Variants in MICU1 observed in about 807,000 individuals in gnomAD.
MICU1 encodes the protein calcium uptake protein 1, mitochondrial.
MICU1 carries 45 observed loss-of-function variants against 56.8 expected under a neutral mutation model. The observed-to-expected ratio is 0.79, with a 90% CI of 0.62 to 1.02. The LOEUF (loss-of-function observed/expected upper bound fraction) is 1.02, where lower values mean the gene tolerates loss of function less well. Among genes scored for constraint, MICU1 ranks in the 50% least tolerant of loss-of-function variants. MICU1 has a pLI of 0.00. For missense variants in MICU1, 504 were observed against 587.1 expected (o/e 0.86, Z 1.46); for synonymous variants, 186 against 195.1 (o/e 0.95, Z 0.39).
At chr10:72,410,259 G>A (rs999686115) in intron 9 of MICU1, among the ~76,000 whole-genome samples, 3 of 152,098 alleles carry the variant, frequency 2.0e-5, no homozygotes, top group African/African-American at 7.2e-5. Context: ...TTCTATTTGG[G>A]CTGTTTCCAA....
intron 5 of MICU1, among the ~76,000 whole-genome samples, chr10:72,515,713 T>C (rs1164056271): frequency 6.6e-6 from 1 of 152,210 alleles, no homozygotes; most frequent in Non-Finnish European, 1.5e-5. Context: ...CTATGTCATC[T>C]AGAGTCCAAC....
At chr10:72,583,234 G>C (rs1246878542) in intron 1 of MICU1, 2 of 151,302 alleles carry the variant, frequency 1.3e-5, no homozygotes, top group African/African-American at 4.9e-5. Context: ...GATTTACTTA[G>C]GGTAGGAAAG....
intron 8 of MICU1, among the ~76,000 whole-genome samples, chr10:72,438,168 T>C (rs1225692673): frequency 6.6e-6 from 1 of 152,116 alleles, no homozygotes; most frequent in African/African-American, 2.4e-5. Context: ...CCTCAGCAAA[T>C]GTAAAAGAAC....
chr10:72,560,856 C>T (rs535459460), intron 3 of MICU1, among the ~76,000 whole-genome samples: 20 of 151,766 alleles, frequency 1.3e-4, no homozygotes, highest in Admixed American at 9.2e-4. Flanking sequence ...GGCGACAGAC[C>T]GAGACTCCAT....
In MICU1 at chr10:72,375,740, A is replaced by G. The variant is rs759329203; in HGVS notation, c.1270+43T>C. On this transcript the variant is annotated intron_variant, in intron 11 of 11. Transcript: ENST00000361114. ...ATTATACACAAGGGCCTCTAAGGGC[A>G]GCTAGGCTGTTTCCCCTCCGGGCTC... 3 of 1,576,168 alleles carry G rather than the reference A, an allele frequency of 1.9e-6. No individual in the cohort carries two copies. The African/African-American group carries it at 4.1e-5, about 21-fold the overall frequency.
At chr10:72,498,664 C>T (rs1363354631) in intron 6 of MICU1, among the ~76,000 whole-genome samples, 3 of 152,088 alleles carry the variant, frequency 2.0e-5, no homozygotes, top group Admixed American at 6.6e-5. Flanking sequence ...TTTCTGAGAG[C>T]CTAAGGAGCA....
chr10:72,594,925 C>CAAAAAAAAAAAAAAAAAAAAAAAAAAAA (rs57504317), intron 1 of MICU1, among the ~76,000 whole-genome samples: 3 of 50,732 alleles, frequency 5.9e-5, no homozygotes, highest in Non-Finnish European at 8.4e-5. Flanking sequence ...AAGTACAATC[C>CAAAAAAAAAAAAAAAAAAAAAAAAAAAA]AAAAAAAAAA....
At chr10:72,375,723 C>T in intron 11 of MICU1, 60 bp downstream of exon 11, 2 of 1,499,130 alleles carry the variant, frequency 1.3e-6, no homozygotes, top group Non-Finnish European at 1.8e-6. Flanking sequence ...CCATTATACA[C>T]AAGGGCCTCT....
intron 1 of MICU1, among the ~76,000 whole-genome samples, chr10:72,590,236 C>T (rs1841183915): frequency 6.6e-6 from 1 of 151,878 alleles, no homozygotes; most frequent in African/African-American, 2.4e-5. Context: ...AAATGGTAAC[C>T]AAAAGAGAGC....
intron 1 of MICU1, among the ~76,000 whole-genome samples, chr10:72,569,688 G>T (rs1353009582): frequency 6.6e-6 from 1 of 152,110 alleles, no homozygotes; most frequent in African/African-American, 2.4e-5. Context: ...TCAGAGAAAT[G>T]TTGAGACACC....
chr10:72,604,373 A>C (rs1327458078), intron 1 of MICU1, among the ~76,000 whole-genome samples: 5 of 146,902 alleles, frequency 3.4e-5, no homozygotes, highest in Non-Finnish European at 7.4e-5. Context: ...TCCTGGGTTC[A>C]AGCAATTCTC....
chr10:72,378,012 G>A (rs1051314898), intron 10 of MICU1, among the ~76,000 whole-genome samples: 1 of 152,196 alleles, frequency 6.6e-6, no homozygotes, highest in African/African-American at 2.4e-5. Context: ...CACTTTGGGA[G>A]GCCAAGGCTG....
At chr10:72,540,486 A>C (rs7921296) in intron 4 of MICU1, among the ~76,000 whole-genome samples, 94,883 of 151,564 alleles carry the variant, frequency 0.63, 31,221 homozygotes, top group African/African-American at 0.72. Flanking sequence ...GCAACCTGGG[A>C]AACACAGTGA....
At chr10:72,396,882 CT>C (rs1290452066) in intron 10 of MICU1, among the ~76,000 whole-genome samples, 2 of 152,146 alleles carry the variant, frequency 1.3e-5, no homozygotes, top group Non-Finnish European at 2.9e-5. Context: ...TCCAGGAGAA[CT>C]TCCCCAACCT....
chr10:72,462,702 T>A (rs1308218733), intron 8 of MICU1, among the ~76,000 whole-genome samples: 1 of 152,194 alleles, frequency 6.6e-6, no homozygotes, highest in Admixed American at 6.5e-5. Flanking sequence ...AGACTAAAAA[T>A]TTATTCCTGC....
At chr10:72,456,084 G>C (rs1052041766) in intron 8 of MICU1, among the ~76,000 whole-genome samples, 9 of 152,174 alleles carry the variant, frequency 5.9e-5, no homozygotes, top group Admixed American at 5.9e-4. Flanking sequence ...GAATCATGTG[G>C]GGGAGGACTG....
rs1418630096 is a variant in MICU1 at position 72,579,465 on chromosome 10, G to A, written c.-1-12671C>T. Among the ~76,000 whole-genome samples, 3 of 152,112 alleles carry A rather than the reference G, an allele frequency of 2.0e-5. No individual in the cohort carries two copies. In the South Asian group the frequency reaches 6.2e-4, roughly 32 times the overall value. On this transcript the variant is annotated intron_variant, in intron 1 of 11. Transcript: ENST00000361114. ...AGTGTATCAGTGAACTCCTGTTCCT[G>A]TATTAGATACAAGTTAAGCAACCCT...
intron 5 of MICU1, among the ~76,000 whole-genome samples, chr10:72,529,454 A>G (rs1839413209): frequency 6.6e-6 from 1 of 152,204 alleles, no homozygotes; most frequent in Non-Finnish European, 1.5e-5. Context: ...TTTAGAAGAC[A>G]TAAGGGGACT....
intron 11 of MICU1, among the ~76,000 whole-genome samples, chr10:72,373,688 T>C (rs933139823): frequency 2.0e-5 from 3 of 152,202 alleles, no homozygotes; most frequent in African/African-American, 7.2e-5. Context: ...AAGGGGGGAC[T>C]TGAGAAGCTA....
Sources: allele counts gnomAD v4.1 joint callset (sites outside exome capture counted in the v4.1 genomes callset), GRCh38; gene constraint gnomAD v4.1.1; transcripts MANE v1.5; gene names NCBI Gene and HGNC (gene_info 2026-07-23, HGNC 2026-07-21).